FBXO3: variants seen among roughly 807,000 people sequenced by gnomAD.
FBXO3 encodes the protein F-box only protein 3.
In FBXO3, 17 loss-of-function variants were observed where a neutral mutation model predicts 64.8. The ratio of observed to expected loss-of-function variants is 0.26; its 90% CI spans 0.18 to 0.39. The LOEUF is 0.39. FBXO3 is among the 10% of genes least tolerant of loss of function. The pLI is 1.00. For missense variants in FBXO3, 420 were observed against 589.9 expected (o/e 0.71, Z 2.98); for synonymous variants, 182 against 201.6 (o/e 0.90, Z 0.82).
At chr11:33,746,889 C>A in intron 10 of FBXO3, 1 of 1,421,620 alleles carries the variant, frequency 7.0e-7, no homozygotes, top group African/African-American at 1.4e-5. Flanking sequence ...TACATTTAGG[C>A]CACTGAACAG....
Position 33,774,479 on chromosome 11 carries a change from C to G in FBXO3, c.19G>C (p.Glu7Gln). The change falls in exon 1 of 11, where the codon GAG becomes CAG. Residue 7 changes from glutamate (E) to glutamine (Q), a missense_variant. Transcript: ENST00000265651. ...GACTCTAGGGTCAGCGGCGCCGTCT[C>G]GGTCTCCATGGCCGCCATCTTGCCT... MAAMET[E>Q]TAPLTLESLP... The G allele has an allele frequency of 1.3e-6, 2 of 1,578,870 alleles. No homozygotes were observed. The highest frequency in any genetic ancestry group is 1.7e-6 in the Non-Finnish European group (2 of 1,163,412).
intron 3 of FBXO3, among the ~76,000 whole-genome samples, chr11:33,766,712 T>C (rs968875487): frequency 6.6e-6 from 1 of 152,220 alleles, no homozygotes; most frequent in Non-Finnish European, 1.5e-5. Context: ...TTCCTTTTTA[T>C]CTGCAACCTC....
At chr11:33,753,193 A>G (rs4414193) in intron 6 of FBXO3, 148,483 of 152,330 alleles carry the variant, frequency 0.97, 72,476 homozygotes, top group East Asian at 1. Flanking sequence ...CTCCTTTTTC[A>G]TCCTTCCTCC....
chr11:33,773,117 C>A (rs1340625796), intron 1 of FBXO3: 1 of 152,034 alleles, frequency 6.6e-6, no homozygotes, highest in Non-Finnish European at 1.5e-5. Context: ...GATATACAAG[C>A]CAGATGATAA....
rs1400161738 is a variant in FBXO3, at chr11:33,753,174, G to GA, written c.724+1280dup. 3.9e-5 allele frequency: 6 copies of GA among 152,322 alleles called. No homozygotes were observed. In the East Asian group the frequency reaches 1.2e-3, roughly 29 times the overall value. The allele number at this position is 152,322 out of a possible 1,614,324, so 9.4% of individuals were successfully genotyped here. A position where few individuals can be genotyped will look rare whatever the true frequency, so the allele number is the denominator to read the frequency against. On this transcript the variant is annotated intron_variant, in intron 6 of 10. Transcript: ENST00000265651. Reference sequence around the variant, plus strand: ...GTTCTGGAGCTTTATCAAGGCAGCTGAAAGGAAGCTCCTTTTTCATCCTTC... The same window carrying GA: ...GTTCTGGAGCTTTATCAAGGCAGCTGAAAAGGAAGCTCCTTTTTCATCCTTC...
At chr11:33,764,812 A>G (rs984829306) in intron 3 of FBXO3, among the ~76,000 whole-genome samples, 1 of 152,106 alleles carries the variant, frequency 6.6e-6, no homozygotes, top group African/African-American at 2.4e-5. Context: ...TGTCTCTACT[A>G]AAAATACAAA....
At chr11:33,753,700 T>C (rs938663840) in intron 6 of FBXO3, 4 of 152,244 alleles carry the variant, frequency 2.6e-5, no homozygotes, top group Non-Finnish European at 4.4e-5. Context: ...TAGAGACTTA[T>C]ACATTGTTCA....
intron 3 of FBXO3, among the ~76,000 whole-genome samples, chr11:33,762,990 T>C (rs1276157896): frequency 6.6e-6 from 1 of 152,166 alleles, no homozygotes. Context: ...AAAAACTTCA[T>C]GTCAATAGAT....
Position 33,769,293 on chromosome 11 carries a change from C to T in FBXO3, c.195-279G>A, listed in dbSNP as rs188749346. 2.8e-3 allele frequency among the ~76,000 whole-genome samples: 431 copies of T among 151,752 alleles called. 3 individuals are homozygous for T. The highest frequency in any genetic ancestry group is 9.9e-3 in the African/African-American group (410 of 41,416). On this transcript the variant is annotated intron_variant, in intron 2 of 10. Coordinates refer to ENST00000265651, the MANE Select transcript of FBXO3 (RefSeq NM_012175.4). ...TTTAATAAAATATGAATAGTAATAA[C>T]GTATAAATTTCAACTTATTCTTAAA...
intron 9 of FBXO3, among the ~76,000 whole-genome samples, chr11:33,747,599 C>T (rs1010441895): frequency 2.0e-5 from 3 of 151,598 alleles, no homozygotes; most frequent in African/African-American, 7.3e-5. Context: ...GCAAACTCCA[C>T]CTCCTGGGCT....
intron 6 of FBXO3, chr11:33,753,038 C>T (rs955939433): frequency 6.6e-6 from 1 of 152,128 alleles, no homozygotes; most frequent in Non-Finnish European, 1.5e-5. Flanking sequence ...CAGGATATGC[C>T]ATTTTGTGTG....
intron 10 of FBXO3, chr11:33,745,297 C>T (rs533174469): frequency 1.7e-5 from 2 of 117,732 alleles, no homozygotes; most frequent in African/African-American, 6.3e-5. Context: ...GGACAAAGAC[C>T]AAAAAAAAAA....
intron 4 of FBXO3, among the ~76,000 whole-genome samples, chr11:33,757,280 T>C (rs1040656133): frequency 1.3e-5 from 2 of 151,888 alleles, no homozygotes; most frequent in Non-Finnish European, 2.9e-5. Flanking sequence ...TCAAAGCATA[T>C]ATGCCTTCTA....
In FBXO3 at chr11:33,754,580, G is replaced by C. The variant is rs1474032070; in HGVS notation, c.679-80C>G. ...TGTTCATTATCTGTATCTTTCCCTGGAGACGAGGCAAAACAGATAAAAATA... is the reference window on the plus strand; with the variant it reads ...TGTTCATTATCTGTATCTTTCCCTGCAGACGAGGCAAAACAGATAAAAATA... On this transcript the variant is annotated intron_variant, in intron 5 of 10. Transcript: ENST00000265651. 21 of 1,223,790 alleles carry C rather than the reference G, an allele frequency of 1.7e-5. No homozygotes were observed. In the East Asian group the frequency reaches 4.6e-4, roughly 27 times the overall value. 75.8% of individuals were successfully genotyped at this position (1,223,790 alleles called of 1,614,324 possible).
chr11:33,750,498 C>T, intron 8 of FBXO3, 41 bp downstream of exon 8: 4 of 1,608,058 alleles, frequency 2.5e-6, no homozygotes, highest in Non-Finnish European at 3.4e-6. Flanking sequence ...TTGGATATAT[C>T]CCACCATTAA....
intron 8 of FBXO3, among the ~76,000 whole-genome samples, chr11:33,749,681 T>C (rs559934679): frequency 6.6e-6 from 1 of 152,298 alleles, no homozygotes; most frequent in East Asian, 1.9e-4. Flanking sequence ...ACACTTTGAC[T>C]CTGTTTCCCA....
intron 7 of FBXO3, 69 bp downstream of exon 7, chr11:33,751,454 T>C (rs1854954274): frequency 9.6e-7 from 1 of 1,038,008 alleles, no homozygotes; most frequent in Admixed American, 2.1e-5. Context: ...CTTCATTTCA[T>C]GATCTGTGAC....
At position 33,741,642 on chromosome 11, in the gene FBXO3, T is replaced by C. The variant is rs78718976; in HGVS notation, c.*266A>G. 1 of 280,666 alleles carries C rather than the reference T, an allele frequency of 3.6e-6. No homozygotes were observed. Among genetic ancestry groups the C allele is most frequent in the African/African-American group, 2.2e-5 (1 of 45,942 alleles). The allele number at this position is 280,666 out of a possible 1,614,324, so 17.4% of individuals were successfully genotyped here. The stretch of plus-strand genomic sequence containing the variant: ...TATAAAATATTTTAAAACAAAGGTA[T>C]GTCCATTCCTTAGCTAGAGAACTAT... On this transcript the variant is annotated 3_prime_UTR_variant, in exon 11 of 11. Coordinates refer to ENST00000265651, the MANE Select transcript of FBXO3 (RefSeq NM_012175.4).
At chr11:33,765,504 T>C (rs1855346718) in intron 3 of FBXO3, among the ~76,000 whole-genome samples, 2 of 152,104 alleles carry the variant, frequency 1.3e-5, no homozygotes, top group African/African-American at 2.4e-5. Flanking sequence ...TAAAAGGAAA[T>C]GTATGTTTAC....
Sources: gnomAD v4.1 joint callset for allele counts (sites outside exome capture counted in the v4.1 genomes callset) on GRCh38, gnomAD v4.1.1 for gene constraint, MANE v1.5 for transcripts, NCBI Gene and HGNC (gene_info 2026-07-23, HGNC 2026-07-21) for gene names.